Variants in SPTSSA observed in about 807,000 individuals in gnomAD.
The protein encoded by SPTSSA is serine palmitoyltransferase small subunit A, also known as small subunit of serine palmitoyltransferase A.
Under a neutral mutation model 9.1 loss-of-function variants are expected in SPTSSA, and 8 were observed. The observed-to-expected ratio is 0.88, with a 90% CI of 0.51 to 1.58. The LOEUF (loss-of-function observed/expected upper bound fraction) is 1.58. SPTSSA is among the 40% of genes most tolerant of loss of function. The pLI is 0.00. For synonymous variants in SPTSSA, 42 were observed against 37.7 expected (o/e 1.11, Z -0.41); for missense variants, 100 against 93.8 (o/e 1.07, Z -0.27).
intron 1 of SPTSSA, among the ~76,000 whole-genome samples, chr14:34,454,218 T>C (rs550924603): frequency 5.3e-4 from 81 of 152,264 alleles, no homozygotes; most frequent in African/African-American, 1.8e-3. Context: ...AGCTCCTATG[T>C]GCCATAAATG....
intron 1 of SPTSSA, among the ~76,000 whole-genome samples, chr14:34,451,490 A>G (rs146163623): frequency 0.022 from 3,325 of 152,078 alleles, 57 homozygotes; most frequent in South Asian, 0.05. Context: ...TTGGGAGGCC[A>G]AGGTGGGCAG....
intron 1 of SPTSSA, among the ~76,000 whole-genome samples, chr14:34,449,510 T>C (rs1461794015): frequency 6.7e-6 from 1 of 150,298 alleles, no homozygotes; most frequent in Non-Finnish European, 1.5e-5. Flanking sequence ...TCCCTTTTTT[T>C]TTTTTTTTTT....
chr14:34,461,966 C>A (rs1878627210), intron 1 of SPTSSA, 130 bp downstream of exon 1: 2 of 540,528 alleles, frequency 3.7e-6, no homozygotes, highest in Non-Finnish European at 5.1e-6. Flanking sequence ...CCCTGCACCC[C>A]CGGCTTCCGC....
intron 1 of SPTSSA, among the ~76,000 whole-genome samples, chr14:34,454,923 C>A (rs1261990042): frequency 6.6e-6 from 1 of 152,006 alleles, no homozygotes; most frequent in African/African-American, 2.4e-5. Context: ...CCCTTCTCTA[C>A]TAAAAATACA....
intron 1 of SPTSSA, among the ~76,000 whole-genome samples, chr14:34,441,393 C>T (rs1022911681): frequency 6.6e-6 from 1 of 152,202 alleles, no homozygotes; most frequent in Non-Finnish European, 1.5e-5. Flanking sequence ...TTTAAACTCT[C>T]AAATATTCTG....
At chr14:34,445,520 A>G (rs189045626) in intron 1 of SPTSSA, among the ~76,000 whole-genome samples, 1,640 of 152,280 alleles carry the variant, frequency 0.011, 31 homozygotes, top group African/African-American at 0.038. Context: ...AATAAATAAA[A>G]TAAAATAAAA....
chr14:34,437,116 CCTT>C (rs941703494), intron 1 of SPTSSA, among the ~76,000 whole-genome samples: 6 of 152,160 alleles, frequency 3.9e-5, no homozygotes, highest in South Asian at 2.1e-4. Flanking sequence ...CTGTTTTAGT[CCTT>C]CTTCTTCAAA....
At chr14:34,444,037 C>T (rs1271382948) in intron 1 of SPTSSA, among the ~76,000 whole-genome samples, 1 of 152,180 alleles carries the variant, frequency 6.6e-6, no homozygotes, top group African/African-American at 2.4e-5. Context: ...GAATTTCTTA[C>T]TGGTCTCTGG....
chr14:34,462,030 G>C, intron 1 of SPTSSA, 66 bp downstream of exon 1: 1 of 1,153,878 alleles, frequency 8.7e-7, no homozygotes, highest in Non-Finnish European at 1.1e-6. Flanking sequence ...CCGGGGCCTG[G>C]GGAAATGCGG....
intron 1 of SPTSSA, among the ~76,000 whole-genome samples, chr14:34,452,231 G>A (rs1883540989): frequency 7.2e-6 from 1 of 139,260 alleles, no homozygotes. Flanking sequence ...GAGCAACAGA[G>A]TGAGACTCAA....
intron 1 of SPTSSA, among the ~76,000 whole-genome samples, chr14:34,444,728 G>T (rs1883390695): frequency 6.6e-6 from 1 of 150,664 alleles, no homozygotes; most frequent in South Asian, 2.1e-4. Flanking sequence ...CTCCAGCCTG[G>T]GCCACAGGGC....
At chr14:34,442,720 C>T (rs1218383040) in intron 1 of SPTSSA, among the ~76,000 whole-genome samples, 1 of 152,156 alleles carries the variant, frequency 6.6e-6, no homozygotes, top group Non-Finnish European at 1.5e-5. Context: ...GTCTGGTTAA[C>T]AGGTGACACG....
At chr14:34,448,170 C>T (rs148285370) in intron 1 of SPTSSA, among the ~76,000 whole-genome samples, 3,315 of 152,042 alleles carry the variant, frequency 0.022, 53 homozygotes, top group Middle Eastern at 0.034. Context: ...GCAGGAGAAT[C>T]GCTTGAACTC....
intron 1 of SPTSSA, among the ~76,000 whole-genome samples, chr14:34,449,669 AT>A (rs1339464743): frequency 1.3e-5 from 2 of 151,326 alleles, no homozygotes; most frequent in Admixed American, 6.6e-5. Context: ...CGCCCAGCTG[AT>A]TTTTATATTT....
At chr14:34,462,050 CCGCGCCCCCAGCCCGGCCCCCGCG>C (rs1878631499) in intron 1 of SPTSSA, 22 bp downstream of exon 1, 3 of 1,255,868 alleles carry the variant, frequency 2.4e-6, no homozygotes, top group African/African-American at 1.6e-5. Flanking sequence ...GCCCCGCGGC[CCGCGCCCCCAGCCCGGCCCCCGCG>C]CGCGCGGCCG....
intron 1 of SPTSSA, 30 bp downstream of exon 1, chr14:34,462,066 G>A (rs1308412728): frequency 3.0e-6 from 4 of 1,335,166 alleles, no homozygotes; most frequent in Non-Finnish European, 2.9e-6. Flanking sequence ...CCCCAGCCCG[G>A]CCCCCGCGCG....
intron 1 of SPTSSA, among the ~76,000 whole-genome samples, chr14:34,442,955 GGTGTGT>G (rs958490338): frequency 6.4e-5 from 8 of 124,230 alleles, no homozygotes; most frequent in East Asian, 3.0e-4. Flanking sequence ...TGTCTAGGGG[GGTGTGT>G]GTGTGTGTGT....
At chr14:34,440,816 G>A (rs1363888573) in intron 1 of SPTSSA, among the ~76,000 whole-genome samples, 1 of 152,044 alleles carries the variant, frequency 6.6e-6, no homozygotes, top group African/African-American at 2.4e-5. Context: ...GGGAGGCGGA[G>A]GGTGTGGTGA....
chr14:34,435,083 C>A lies in SPTSSA; in HGVS notation c.*118G>T. 1 of 612,250 alleles carries A rather than the reference C, an allele frequency of 1.6e-6. No individual in the cohort carries two copies. The highest frequency in any genetic ancestry group is 2.8e-6 in the Non-Finnish European group (1 of 359,996). The allele number at this position is 612,250 out of a possible 1,614,324, so 37.9% of individuals were successfully genotyped here. A position where few individuals can be genotyped will look rare whatever the true frequency, so the allele number is the denominator to read the frequency against. On this transcript the variant is annotated 3_prime_UTR_variant, in exon 2 of 2. Transcript: ENST00000298130. The stretch of plus-strand genomic sequence containing the variant: ...TCCTGTTCTACTCATGAATTTTAGT[C>A]TTTATAAGGTTGGTTATGTTGACAT...
Sources: gnomAD v4.1 joint callset for allele counts (sites outside exome capture counted in the v4.1 genomes callset) on GRCh38, gnomAD v4.1.1 for gene constraint, MANE v1.5 for transcripts, NCBI Gene and HGNC (gene_info 2026-07-23, HGNC 2026-07-21) for gene names.